The following STYX variants were observed in gnomAD, a reference collection of about 807,000 sequenced individuals.
STYX encodes the protein serine/threonine/tyrosine interacting protein, also known as serine/threonine/tyrosine-interacting protein.
A neutral mutation model predicts 42.7 loss-of-function variants in STYX; 20 were observed. That is an observed-to-expected ratio of 0.47 (90% confidence interval 0.33 to 0.68). The LOEUF is 0.68. Among genes scored for constraint, STYX ranks in the 30% least tolerant of loss-of-function variants. The probability of loss-of-function intolerance (pLI) is 0.02; values close to 1 mark genes in which losing one functional copy is unlikely to be tolerated. For synonymous variants in STYX, 78 were observed against 81.9 expected (o/e 0.95, Z 0.26); for missense variants, 226 against 268.5 (o/e 0.84, Z 1.11).
rs967946277 is a variant in STYX at position 52,772,546 on chromosome 14, C to T, written c.*1440C>T. ...CTTTAGGGTAGCACAAACAAAACTCCTTTGTATCTAACTTTTCTCAATCCT... is the reference window on the plus strand; with the variant it reads ...CTTTAGGGTAGCACAAACAAAACTCTTTTGTATCTAACTTTTCTCAATCCT... On this transcript the variant is annotated 3_prime_UTR_variant, in exon 11 of 11. Coordinates refer to ENST00000354586, the MANE Select transcript of STYX (RefSeq NM_145251.4). 6.6e-6 allele frequency: 1 copy of T among 152,460 alleles called. No individual in the cohort carries two copies. Among genetic ancestry groups the T allele is most frequent in the Non-Finnish European group, 1.5e-5 (1 of 67,996 alleles). 9.4% of individuals were successfully genotyped at this position (152,460 alleles called of 1,614,324 possible).
At chr14:52,754,287 A>T (rs1256415833) in intron 4 of STYX, among the ~76,000 whole-genome samples, 2 of 150,654 alleles carry the variant, frequency 1.3e-5, no homozygotes, top group Admixed American at 1.3e-4. Flanking sequence ...ATTTCTGTTC[A>T]TTGTAGCCTT....
chr14:52,770,536 A>G (rs1244521455), intron 10 of STYX, among the ~76,000 whole-genome samples: 1 of 152,134 alleles, frequency 6.6e-6, no homozygotes, highest in Non-Finnish European at 1.5e-5. Context: ...ATCTCTTTAT[A>G]TGCTACATGC....
At chr14:52,735,973 A>G (rs991877155) in intron 1 of STYX, among the ~76,000 whole-genome samples, 3 of 152,200 alleles carry the variant, frequency 2.0e-5, no homozygotes, top group Admixed American at 6.5e-5. Context: ...AACCCTTGAC[A>G]TTATTTCCAG....
chr14:52,764,730 G>A (rs1594882154), intron 9 of STYX, among the ~76,000 whole-genome samples: 1 of 140,882 alleles, frequency 7.1e-6, no homozygotes, highest in African/African-American at 2.7e-5. Flanking sequence ...GTACAGTGGT[G>A]TGATCTCGGC....
intron 10 of STYX, 71 bp from the exon 11 acceptor site, chr14:52,770,961 AT>A (rs1160022324): frequency 1.4e-6 from 2 of 1,454,504 alleles, no homozygotes; most frequent in African/African-American, 2.8e-5. Flanking sequence ...TAATAACAAA[AT>A]TTTACTTGCT....
At chr14:52,753,492 C>T (rs139338958) in intron 4 of STYX, among the ~76,000 whole-genome samples, 279 of 152,224 alleles carry the variant, frequency 1.8e-3, no homozygotes, top group Non-Finnish European at 2.7e-3. Flanking sequence ...AGCCGAGGGA[C>T]ATATTTTTCA....
chr14:52,767,553 T>C (rs1419559977), intron 9 of STYX, among the ~76,000 whole-genome samples: 1 of 152,164 alleles, frequency 6.6e-6, no homozygotes, highest in East Asian at 1.9e-4. Context: ...TGATTATTGG[T>C]CATCTTTGAA....
chr14:52,750,589 T>C, intron 3 of STYX, 94 bp from the exon 4 acceptor site: 2 of 820,874 alleles, frequency 2.4e-6, no homozygotes, highest in Non-Finnish European at 3.8e-6. Context: ...GGGTTCTGTG[T>C]ATTTTCAAAC....
chr14:52,754,724 A>T (rs951997224), intron 4 of STYX, among the ~76,000 whole-genome samples: 1 of 152,214 alleles, frequency 6.6e-6, no homozygotes, highest in African/African-American at 2.4e-5. Context: ...TTAAAATATC[A>T]AACTATATAA....
At chr14:52,750,815 A>G (rs764149091) in intron 4 of STYX, 35 bp downstream of exon 4, 14 of 1,377,806 alleles carry the variant, frequency 1.0e-5, no homozygotes, top group Middle Eastern at 4.1e-4. Flanking sequence ...AAAACACTTA[A>G]TGAAGTTTCA....
intron 3 of STYX, among the ~76,000 whole-genome samples, chr14:52,749,363 AT>A (rs554395165): frequency 3.4e-3 from 520 of 151,712 alleles, no homozygotes; most frequent in Non-Finnish European, 5.7e-3. Flanking sequence ...CATATAAATT[AT>A]TTTTTTTTAC....
Position 52,757,894 on chromosome 14 carries a change from A to T in STYX, c.401A>T (p.Tyr134Phe). ...ISRSAAFVIA[Y>F]IMETFGMKYR... ...TTCAGTGCAGCCTTTGTTATTGCAT[A>T]CATTATGGAAACATTTGGAATGAAG... The change falls in exon 8 of 11, where the codon TAC (tyrosine) becomes TTC (phenylalanine). Residue 134 changes from tyrosine (Y) to phenylalanine (F), a missense_variant. Transcript: ENST00000354586. 5 of 1,612,424 alleles carry T rather than the reference A, an allele frequency of 3.1e-6. No individual in the cohort carries two copies. Among genetic ancestry groups the T allele is most frequent in the Non-Finnish European group, 8.5e-7 (1 of 1,179,804 alleles).
rs1881594812 is a variant in STYX, at chr14:52,751,174, G to A, written c.242+394G>A. 2.0e-5 allele frequency among the ~76,000 whole-genome samples: 3 copies of A among 151,974 alleles called. No individual in the cohort carries two copies. In the South Asian group the frequency reaches 6.2e-4, roughly 31 times the overall value. The stretch of plus-strand genomic sequence containing the variant: ...TTTGAGTGTTAGGTTAAATTTATGA[G>A]CATAGTCTTATAGATAAATTTTTTT... On this transcript the variant is annotated intron_variant, in intron 4 of 10. Coordinates refer to ENST00000354586, the MANE Select transcript of STYX (RefSeq NM_145251.4).
chr14:52,757,669 T>C, intron 6 of STYX, 74 bp from the exon 7 acceptor site: 2 of 1,353,898 alleles, frequency 1.5e-6, no homozygotes, highest in Admixed American at 3.5e-5. Flanking sequence ...GGAGTTACTT[T>C]ACTGTGGTTT....
chr14:52,750,381 A>C (rs1881563726), intron 3 of STYX, among the ~76,000 whole-genome samples: 1 of 152,160 alleles, frequency 6.6e-6, no homozygotes, highest in Non-Finnish European at 1.5e-5. Context: ...TTTATTAAAC[A>C]CTTGCTGTGT....
Position 52,771,171 on chromosome 14 carries a change from AT to A in STYX, c.*66del, listed in dbSNP as rs1201473097. 1.4e-6 allele frequency: 2 copies of A among 1,425,666 alleles called. No homozygotes were observed. The highest frequency in any genetic ancestry group is 2.9e-5 in the African/African-American group (2 of 69,672). The allele number at this position is 1,425,666 out of a possible 1,614,324, so 88.3% of individuals were successfully genotyped here. ...GAAGGAGAAAATACAAGAGAAAATT[AT>A]AATGTAAAATGGTAAAAACATAAGT... On this transcript the variant is annotated 3_prime_UTR_variant, in exon 11 of 11. Coordinates refer to ENST00000354586, the MANE Select transcript of STYX (RefSeq NM_145251.4).
rs569432653 is a variant in STYX at position 52,771,326 on chromosome 14, C to T, written c.*220C>T. The T allele has an allele frequency of 1.3e-4, 57 of 439,296 alleles. No homozygotes were observed. The highest frequency in any genetic ancestry group is 4.4e-4 in the African/African-American group (22 of 50,210). The allele number at this position is 439,296 out of a possible 1,614,324, so 27.2% of individuals were successfully genotyped here. ...TTACTCCTTTTTTTAAAAACACATG[C>T]GCGCGCACACACACATGCTTTACAA... is the stretch of plus-strand genomic sequence containing the variant. On this transcript the variant is annotated 3_prime_UTR_variant, in exon 11 of 11. Transcript: ENST00000354586.
chr14:52,750,657 C>T (rs1193484135), intron 3 of STYX, 26 bp from the exon 4 acceptor site: 2 of 1,377,098 alleles, frequency 1.5e-6, no homozygotes, highest in Middle Eastern at 1.8e-4. Flanking sequence ...CTTCCCTGTC[C>T]TCCCCCTGCT....
intron 10 of STYX, among the ~76,000 whole-genome samples, chr14:52,769,861 T>C (rs1239709072): frequency 6.6e-6 from 1 of 152,152 alleles, no homozygotes; most frequent in Middle Eastern, 3.2e-3. Context: ...CTAATATTGA[T>C]ATTTTTCCTT....
Sources: gnomAD v4.1 joint callset for allele counts (sites outside exome capture counted in the v4.1 genomes callset) on GRCh38, gnomAD v4.1.1 for gene constraint, MANE v1.5 for transcripts, NCBI Gene and HGNC (gene_info 2026-07-23, HGNC 2026-07-21) for gene names.